The following TENM2 variants were observed in gnomAD, a reference collection of about 807,000 sequenced individuals.
TENM2 encodes teneurin-2.
A neutral mutation model predicts 245.2 loss-of-function variants in TENM2; 52 were observed. That is an observed-to-expected ratio of 0.21 (90% CI 0.17 to 0.27). TENM2 has a LOEUF of 0.27. TENM2 is among the 10% of genes least tolerant of loss of function. The pLI is 1.00. For synonymous variants in TENM2, 1,363 were observed against 1,438.9 expected (o/e 0.95, Z 1.19); for missense variants, 3,046 against 3,666.8 (o/e 0.83, Z 4.37).
chr5:167,238,009 CAA>C, the TENM2 span, among the ~76,000 whole-genome samples: 1 of 44,112 alleles, frequency 2.3e-5, no homozygotes. Context: ...GACTCTGTCT[CAA>C]AAAAAAAAAA....
intron 25 of TENM2, among the ~76,000 whole-genome samples, chr5:168,240,343 G>C (rs900920215): frequency 6.6e-6 from 1 of 152,206 alleles, no homozygotes; most frequent in Non-Finnish European, 1.5e-5. Context: ...TTGCATGCTT[G>C]ATGGAAAGCC....
rs779108132 is a variant in TENM2 at position 168,204,556 on chromosome 5, G to T, written c.3759G>T (p.Val1253=). The stretch of plus-strand genomic sequence containing the variant: ...TTGGAATCGATGGGAGCCTCTATGT[G>T]GGTGACTTCAATTACATCCGACGCA... The change falls in exon 19 of 29, where the codon GTG becomes GTT. Residue 1253 remains valine, a synonymous_variant. Transcript: ENST00000518659. 6 of 1,613,982 alleles carry T rather than the reference G, an allele frequency of 3.7e-6. 1 individual carries two copies. In the South Asian group the frequency reaches 6.6e-5, roughly 18 times the overall value.
intron 2 of TENM2, among the ~76,000 whole-genome samples, chr5:167,487,112 T>C (rs1276240493): frequency 2.6e-5 from 4 of 152,196 alleles, no homozygotes; most frequent in Middle Eastern, 6.3e-3. Flanking sequence ...TGCGGTATAG[T>C]GGTCTGTGGA....
chr5:167,905,355 G>A (rs1776010452), intron 3 of TENM2, among the ~76,000 whole-genome samples: 1 of 152,184 alleles, frequency 6.6e-6, no homozygotes, highest in African/African-American at 2.4e-5. Context: ...TCTTCATTGG[G>A]ATGGGAGTTT....
intron 25 of TENM2, among the ~76,000 whole-genome samples, chr5:168,228,963 A>G (rs1184652063): frequency 4.1e-5 from 6 of 147,852 alleles, no homozygotes; most frequent in African/African-American, 1.5e-4. Context: ...ATATGTATAC[A>G]TAATATACAT....
chr5:167,843,556 G>A (rs574955873), intron 2 of TENM2, among the ~76,000 whole-genome samples: 10 of 152,112 alleles, frequency 6.6e-5, no homozygotes, highest in African/African-American at 2.2e-4. Context: ...CTTAATATTT[G>A]TAGGGTTGGT....
Position 167,385,872 on chromosome 5 carries a change from G to A in TENM2, c.502+10399G>A, listed in dbSNP as rs999536772. On this transcript the variant is annotated intron_variant, in intron 2 of 28. Coordinates refer to ENST00000518659, the Ensembl canonical transcript of TENM2. ...TATATATATATGTGTGTGTGTGTGTGTGTGTGTGTGTGTGTGTGTGTGTGT... is the reference window on the plus strand; with the variant it reads ...TATATATATATGTGTGTGTGTGTGTATGTGTGTGTGTGTGTGTGTGTGTGT... Among the ~76,000 whole-genome samples the A allele has an allele frequency of 2.0e-4, 30 of 149,728 alleles. No homozygotes were observed. In the East Asian group the frequency reaches 5.3e-3, roughly 26 times the overall value.
chr5:168,111,618 A>G (rs1432928915), intron 9 of TENM2, among the ~76,000 whole-genome samples: 1 of 152,130 alleles, frequency 6.6e-6, no homozygotes, highest in African/African-American at 2.4e-5. Flanking sequence ...CTGAGATGCC[A>G]AGGTCAACAG....
chr5:167,955,682 A>G (rs1395782380), intron 4 of TENM2, among the ~76,000 whole-genome samples: 2 of 152,194 alleles, frequency 1.3e-5, no homozygotes, highest in African/African-American at 4.8e-5. Flanking sequence ...AGTTTTCTGA[A>G]TATAGCTAGC....
At chr5:167,112,756 C>T in the TENM2 span, among the ~76,000 whole-genome samples, 1 of 152,294 alleles carries the variant, frequency 6.6e-6, no homozygotes, top group Non-Finnish European at 1.5e-5. Flanking sequence ...CCAATCCATA[C>T]AATCTGGCAT....
At chr5:167,124,433 T>C in the TENM2 span, among the ~76,000 whole-genome samples, 3 of 152,234 alleles carry the variant, frequency 2.0e-5, no homozygotes, top group Non-Finnish European at 2.9e-5. Flanking sequence ...TTAAAATTGA[T>C]ATAAAATACA....
chr5:168,085,803 C>T (rs891847493), intron 7 of TENM2, among the ~76,000 whole-genome samples: 3 of 152,194 alleles, frequency 2.0e-5, no homozygotes, highest in Non-Finnish European at 4.4e-5. Context: ...ACCCTGTGGT[C>T]ATGTGGCTTC....
rs148587045 is a variant in TENM2, at chr5:167,447,834, A to G, written c.502+72361A>G. ...GTGACAATGCACTAATTTAAGTACA[A>G]TTGGCCCAGCATCTCTCATTGTGAC... is the stretch of plus-strand genomic sequence containing the variant. On this transcript the variant is annotated intron_variant, in intron 2 of 28. Transcript: ENST00000518659. 2.0e-5 allele frequency among the ~76,000 whole-genome samples: 3 copies of G among 152,292 alleles called. No homozygotes were observed. The East Asian group carries it at 5.8e-4, about 29-fold the overall frequency.
At chr5:168,039,107 T>G (rs1787957131) in intron 5 of TENM2, among the ~76,000 whole-genome samples, 5 of 152,204 alleles carry the variant, frequency 3.3e-5, no homozygotes. Flanking sequence ...CAGAAGGCTA[T>G]TTTTCACGAG....
intron 1 of TENM2, 82 bp downstream of exon 3, chr5:167,285,145 C>A: frequency 9.0e-7 from 1 of 1,112,996 alleles, no homozygotes; most frequent in Non-Finnish European, 1.3e-6. Context: ...TTTTGGAGAT[C>A]CAGCATGGTG....
intron 2 of TENM2, among the ~76,000 whole-genome samples, chr5:167,697,367 C>T (rs1283985340): frequency 3.3e-5 from 5 of 152,112 alleles, no homozygotes; most frequent in African/African-American, 4.8e-5. Context: ...GGACTTATTT[C>T]GAATTGTAAT....
At chr5:168,065,623 AT>A (rs199603599) in intron 7 of TENM2, among the ~76,000 whole-genome samples, 1 of 152,042 alleles carries the variant, frequency 6.6e-6, no homozygotes, top group African/African-American at 2.4e-5. Context: ...ACAAATATAG[AT>A]TTTTTTAATA....
the TENM2 span, among the ~76,000 whole-genome samples, chr5:167,118,567 T>C: frequency 6.6e-6 from 1 of 152,240 alleles, no homozygotes; most frequent in Non-Finnish European, 1.5e-5. Context: ...TAGTATTTTC[T>C]TTCTCAGCCT....
intron 2 of TENM2, among the ~76,000 whole-genome samples, chr5:167,450,975 A>AT (rs536546429): frequency 6.6e-6 from 1 of 152,086 alleles, no homozygotes; most frequent in African/African-American, 2.4e-5. Context: ...ACAGTCTCTT[A>AT]TTTTTTTATC....
Sources: allele counts gnomAD v4.1 joint callset (sites outside exome capture counted in the v4.1 genomes callset), GRCh38; gene constraint gnomAD v4.1.1; transcripts MANE v1.5; gene names NCBI Gene and HGNC (gene_info 2026-07-23, HGNC 2026-07-21).